TPO: variants seen among roughly 807,000 people sequenced by gnomAD.
TPO encodes thyroid microsomal antigen.
A neutral mutation model predicts 96.9 loss-of-function variants in TPO; 78 were observed. The observed-to-expected ratio is 0.81, with a 90% CI of 0.67 to 0.97. The LOEUF is 0.97. Ranked by LOEUF, TPO falls within the 50% of genes least tolerant of loss-of-function variation. TPO has a pLI of 0.00. For missense variants in TPO, 1,252 were observed against 1,274.8 expected (o/e 0.98, Z 0.27); for synonymous variants, 547 against 538.0 (o/e 1.02, Z -0.23).
At chr2:1,399,346 C>T (rs1662131075) in intron 1 of TPO, among the ~76,000 whole-genome samples, 1 of 152,238 alleles carries the variant, frequency 6.6e-6, no homozygotes, top group Non-Finnish European at 1.5e-5. Flanking sequence ...ATACAGCAGC[C>T]CCCTTATCCA....
At chr2:1,478,389 G>C in intron 8 of TPO, 1 of 985,188 alleles carries the variant, frequency 1.0e-6, no homozygotes, top group Non-Finnish European at 1.2e-6. Context: ...TGCAGTCCTA[G>C]CCGGGAGCCT....
intron 13 of TPO, among the ~76,000 whole-genome samples, chr2:1,498,324 G>T (rs1672559319): frequency 6.6e-6 from 1 of 152,194 alleles, no homozygotes; most frequent in Non-Finnish European, 1.5e-5. Flanking sequence ...GTGGTCTCAG[G>T]TGCCCTCCCG....
chr2:1,526,220 C>A (rs1230968646), intron 15 of TPO, among the ~76,000 whole-genome samples: 1 of 112,236 alleles, frequency 8.9e-6, no homozygotes, highest in African/African-American at 3.5e-5. Flanking sequence ...CCTCAAATCC[C>A]CCCGATGTGT....
intron 15 of TPO, among the ~76,000 whole-genome samples, chr2:1,539,419 T>A (rs1262963478): frequency 6.6e-6 from 1 of 152,118 alleles, no homozygotes; most frequent in East Asian, 1.9e-4. Flanking sequence ...GCTGAAGCGA[T>A]GACTAAATGC....
At chr2:1,477,894 G>T (rs950194485) in intron 8 of TPO, 5 of 985,256 alleles carry the variant, frequency 5.1e-6, no homozygotes, top group African/African-American at 3.5e-5. Context: ...CCCTCCAGCC[G>T]GCTGGTGATT....
chr2:1,469,745 A>C (rs1669215615), intron 7 of TPO, among the ~76,000 whole-genome samples: 1 of 152,156 alleles, frequency 6.6e-6, no homozygotes, highest in African/African-American at 2.4e-5. Flanking sequence ...CAGGTTCCGC[A>C]GTGGGGGTGC....
Position 1,380,353 on chromosome 2 carries a change from T to C in TPO, n.180+5951T>C, listed in dbSNP as rs929374662. Among the ~76,000 whole-genome samples, 9 of 147,620 alleles carry C rather than the reference T, an allele frequency of 6.1e-5. No individual in the cohort carries two copies. In the East Asian group the frequency reaches 9.9e-4, roughly 16 times the overall value. On this transcript the variant is annotated intron_variant and non_coding_transcript_variant, in intron 1 of 5. Coordinates refer to the TPO transcript ENST00000497517. The stretch of plus-strand genomic sequence containing the variant: ...AGCTTGGAGTGAGCCGAGATCACTT[T>C]ACTGCACTCCAGCCTGGGCGACAGA...
chr2:1,456,037 G>T (rs550668528), intron 6 of TPO, 39 bp from the exon 7 acceptor site: 1 of 1,599,378 alleles, frequency 6.3e-7, no homozygotes, highest in African/African-American at 1.3e-5. Flanking sequence ...CTACCACAGG[G>T]TCCTCCTATG....
chr2:1,530,367 AAT>A (rs1677814834), intron 15 of TPO, among the ~76,000 whole-genome samples: 1 of 143,668 alleles, frequency 7.0e-6, no homozygotes, highest in Non-Finnish European at 1.5e-5. Context: ...AACGTCCCCA[AAT>A]ATCCCCAGTG....
intron 14 of TPO, among the ~76,000 whole-genome samples, chr2:1,509,796 A>G (rs1673897889): frequency 7.4e-6 from 1 of 135,496 alleles, no homozygotes; most frequent in Admixed American, 7.7e-5. Context: ...TTTCAGGGAC[A>G]CCGCACCTCT....
rs371851165 is a variant in TPO, at chr2:1,517,011, T to C, written c.2618+29T>C. The C allele has an allele frequency of 5.6e-6, 9 of 1,607,444 alleles. No homozygotes were observed. In the East Asian group the frequency reaches 6.7e-5, roughly 12 times the overall value. On this transcript the variant is annotated intron_variant, in intron 15 of 16. Transcript: ENST00000329066. ...AGTCCTTCACTTTTTGACTGTTACT[T>C]AGACACAAAGCAATCTCCTTTCCTC... is the stretch of plus-strand genomic sequence containing the variant.
intron 1 of TPO, among the ~76,000 whole-genome samples, chr2:1,388,587 G>A (rs1221493704): frequency 2.0e-5 from 3 of 152,194 alleles, no homozygotes; most frequent in African/African-American, 2.4e-5. Flanking sequence ...GGAGTGACCC[G>A]ATTTTCCAGC....
chr2:1,453,287 T>C (rs2148580099), intron 5 of TPO, among the ~76,000 whole-genome samples: 1 of 152,334 alleles, frequency 6.6e-6, no homozygotes, highest in East Asian at 1.9e-4. Context: ...GGTGCTTTGA[T>C]TAAAGGATGT....
intron 1 of TPO, among the ~76,000 whole-genome samples, chr2:1,375,498 A>G (rs749641349): frequency 6.6e-6 from 1 of 151,804 alleles, no homozygotes; most frequent in Non-Finnish European, 1.5e-5. Context: ...AGAAGGAAAA[A>G]GAGGGAGGGC....
At chr2:1,531,107 T>A (rs1463118348) in intron 15 of TPO, among the ~76,000 whole-genome samples, 1 of 24,084 alleles carries the variant, frequency 4.2e-5, no homozygotes, top group Non-Finnish European at 7.3e-5. Flanking sequence ...CCTCCCCAAA[T>A]CCCCCCACTG....
intron 1 of TPO, among the ~76,000 whole-genome samples, chr2:1,391,999 C>T (rs938527407): frequency 6.6e-6 from 1 of 152,126 alleles, no homozygotes; most frequent in African/African-American, 2.4e-5. Context: ...TAATTGAATA[C>T]CCTTTATTTC....
chr2:1,431,253 G>A (rs1335701516), intron 3 of TPO, among the ~76,000 whole-genome samples: 1 of 152,068 alleles, frequency 6.6e-6, no homozygotes, highest in Non-Finnish European at 1.5e-5. Context: ...GTTTTACGTT[G>A]TGTGGCACCT....
chr2:1,535,247 A>C (rs1679335154), intron 15 of TPO, among the ~76,000 whole-genome samples: 6 of 102,414 alleles, frequency 5.9e-5, no homozygotes, highest in South Asian at 3.6e-4. Context: ...AATCCACCCC[A>C]CTCTGTGCAA....
At chr2:1,523,845 C>T (rs1387246717) in intron 15 of TPO, among the ~76,000 whole-genome samples, 3 of 115,438 alleles carry the variant, frequency 2.6e-5, no homozygotes, top group Non-Finnish European at 3.5e-5. Flanking sequence ...CAAATCCCCC[C>T]AACTGTGTGT....
Sources: allele counts gnomAD v4.1 joint callset (sites outside exome capture counted in the v4.1 genomes callset), GRCh38; gene constraint gnomAD v4.1.1; transcripts MANE v1.5; gene names NCBI Gene and HGNC (gene_info 2026-07-23, HGNC 2026-07-21).